RERG: variants seen among roughly 807,000 people sequenced by gnomAD.
RERG encodes ras-related and estrogen-regulated growth inhibitor.
In RERG, 25 loss-of-function variants were observed where a neutral mutation model predicts 23.2. The observed-to-expected ratio is 1.08, with a 90% CI of 0.79 to 1.50. The LOEUF (loss-of-function observed/expected upper bound fraction) is 1.50, where lower values mean the gene tolerates loss of function less well. Ranked by LOEUF, RERG falls within the 40% of genes most tolerant of loss-of-function variation. The pLI is 0.00. For missense variants in RERG, 253 were observed against 250.1 expected, an observed-to-expected ratio of 1.01 and a Z score of -0.08; for synonymous variants, 81 against 89.1, an observed-to-expected ratio of 0.91 and a Z score of 0.51.
chr12:15,192,628 T>A (rs1000096684), intron 2 of RERG, among the ~76,000 whole-genome samples: 2 of 152,202 alleles, frequency 1.3e-5, no homozygotes, highest in Non-Finnish European at 2.9e-5. Flanking sequence ...AAACAACTGA[T>A]TCAACTGGAT....
intron 2 of RERG, among the ~76,000 whole-genome samples, chr12:15,182,295 TG>T (rs1864935163): frequency 6.6e-6 from 1 of 152,044 alleles, no homozygotes; most frequent in East Asian, 1.9e-4. Flanking sequence ...CGGCCTTAGG[TG>T]ATCCGCCTGT....
intron 2 of RERG, among the ~76,000 whole-genome samples, chr12:15,174,824 C>A (rs1864825424): frequency 1.3e-5 from 2 of 151,860 alleles, no homozygotes; most frequent in East Asian, 3.8e-4. Flanking sequence ...AATTTTATCT[C>A]TTTATTGATA....
At chr12:15,167,057 C>T (rs1864705607) in intron 2 of RERG, among the ~76,000 whole-genome samples, 2 of 152,036 alleles carry the variant, frequency 1.3e-5, no homozygotes, top group Non-Finnish European at 2.9e-5. Context: ...CTTATTAAGC[C>T]GACAATGCAT....
At chr12:15,219,765 T>C (rs1048010650) in intron 1 of RERG, among the ~76,000 whole-genome samples, 1 of 152,224 alleles carries the variant, frequency 6.6e-6, no homozygotes, top group Non-Finnish European at 1.5e-5. Context: ...ACTGTTCATA[T>C]ACATGGATAT....
At chr12:15,175,333 C>CTGTGTGTGTGTGTGTGTG (rs532399275) in intron 2 of RERG, among the ~76,000 whole-genome samples, 17 of 112,250 alleles carry the variant, frequency 1.5e-4, no homozygotes, top group East Asian at 8.2e-4. Flanking sequence ...CTCTCAGGCT[C>CTGTGTGTGTGTGTGTGTG]TGTGTGTGTG....
chr12:15,182,340 T>C (rs1174176736), intron 2 of RERG, among the ~76,000 whole-genome samples: 1 of 152,024 alleles, frequency 6.6e-6, no homozygotes, highest in Non-Finnish European at 1.5e-5. Flanking sequence ...TTACTGGTGT[T>C]AGCCACCGTG....
chr12:15,191,793 T>C (rs1865075176), intron 2 of RERG, among the ~76,000 whole-genome samples: 1 of 152,186 alleles, frequency 6.6e-6, no homozygotes, highest in Non-Finnish European at 1.5e-5. Context: ...CTCTGATGCC[T>C]GCAAGCCTGA....
chr12:15,119,154 T>C (rs974319577), intron 3 of RERG, among the ~76,000 whole-genome samples: 1 of 152,200 alleles, frequency 6.6e-6, no homozygotes, highest in African/African-American at 2.4e-5. Flanking sequence ...TGAAGTCTGA[T>C]GAAAGTGCTT....
intron 2 of RERG, among the ~76,000 whole-genome samples, chr12:15,183,918 C>A (rs1371068712): frequency 1.3e-5 from 2 of 152,128 alleles, no homozygotes; most frequent in African/African-American, 4.8e-5. Flanking sequence ...GAATGAGGAG[C>A]CTATAAACAA....
At chr12:15,111,277 G>T (rs934034197) in intron 4 of RERG, 67 bp downstream of exon 4, 1 of 1,277,704 alleles carries the variant, frequency 7.8e-7, no homozygotes, top group East Asian at 2.4e-5. Flanking sequence ...CCTTATTTTT[G>T]TTCATAGCAT....
chr12:15,127,933 T>A (rs1488358238), intron 2 of RERG, among the ~76,000 whole-genome samples: 3 of 152,180 alleles, frequency 2.0e-5, no homozygotes, highest in African/African-American at 7.2e-5. Flanking sequence ...ACTATACAGA[T>A]AAGAAACCAA....
rs575505509 is a variant in RERG at position 15,196,884 on chromosome 12, TGAGAA to T, written c.61+20540_61+20544del. ...GAAACGAAACAGTCGTAGGTGAGAA[TGAGAA>T]GAGAAGTGAGAATTCTAATCATAAA... On this transcript the variant is annotated intron_variant, in intron 2 of 4. Transcript: ENST00000256953. 1.0e-3 allele frequency among the ~76,000 whole-genome samples: 159 copies of T among 152,266 alleles called. 1 individual carries two copies. Among genetic ancestry groups the T allele is most frequent in the African/African-American group, 3.8e-3 (157 of 41,560 alleles).
At chr12:15,148,881 T>G (rs1864385229) in intron 2 of RERG, among the ~76,000 whole-genome samples, 3 of 119,104 alleles carry the variant, frequency 2.5e-5, no homozygotes, top group East Asian at 2.3e-4. Context: ...TTTTTTTTTT[T>G]TTTTTTAGAC....
At chr12:15,219,959 G>T (rs958196473) in intron 1 of RERG, among the ~76,000 whole-genome samples, 1 of 152,146 alleles carries the variant, frequency 6.6e-6, no homozygotes, top group Admixed American at 6.5e-5. Flanking sequence ...TAAAGATACA[G>T]CTGGTTATTG....
At chr12:15,127,738 T>A (rs1391038300) in intron 2 of RERG, among the ~76,000 whole-genome samples, 2 of 152,378 alleles carry the variant, frequency 1.3e-5, no homozygotes, top group East Asian at 1.9e-4. Context: ...TATTAGTTGT[T>A]GGATTAAAGT....
At chr12:15,194,728 T>A (rs1179847791) in intron 2 of RERG, among the ~76,000 whole-genome samples, 1 of 152,138 alleles carries the variant, frequency 6.6e-6, no homozygotes, top group Non-Finnish European at 1.5e-5. Context: ...GCAGGATCTC[T>A]TGCTGTGTCC....
intron 2 of RERG, among the ~76,000 whole-genome samples, chr12:15,159,234 A>G (rs991864250): frequency 6.6e-5 from 10 of 152,144 alleles, no homozygotes; most frequent in Admixed American, 6.5e-4. Flanking sequence ...TTTGTCTCAG[A>G]AGTCACCAGG....
chr12:15,111,686 CTTTTTTT>C (rs11296760), intron 3 of RERG, among the ~76,000 whole-genome samples: 2 of 127,966 alleles, frequency 1.6e-5, no homozygotes, highest in Non-Finnish European at 3.3e-5. Flanking sequence ...CTATACTTTC[CTTTTTTT>C]TTTTTTTTTT....
At chr12:15,174,475 A>AGTGTGTGTGTGTGT (rs35380924) in intron 2 of RERG, among the ~76,000 whole-genome samples, 6 of 148,000 alleles carry the variant, frequency 4.1e-5, no homozygotes, top group African/African-American at 1.2e-4. Flanking sequence ...GAGTTTGTTG[A>AGTGTGTGTGTGTGT]GTGTGTGTGT....
Sources: allele counts gnomAD v4.1 joint callset (sites outside exome capture counted in the v4.1 genomes callset), GRCh38; gene constraint gnomAD v4.1.1; transcripts MANE v1.5; gene names NCBI Gene and HGNC (gene_info 2026-07-23, HGNC 2026-07-21).